IL1RAPL1: variants seen among roughly 807,000 people sequenced by gnomAD.
The protein encoded by IL1RAPL1 is interleukin 1 receptor accessory protein like 1.
In IL1RAPL1, 3 loss-of-function variants were observed where a neutral mutation model predicts 48.4. The observed-to-expected ratio is 0.06, with a 90% CI of 0.03 to 0.16. The LOEUF (loss-of-function observed/expected upper bound fraction) is 0.16. Among genes scored for constraint, IL1RAPL1 ranks in the 10% least tolerant of loss-of-function variants. The pLI, the probability that IL1RAPL1 is intolerant of heterozygous loss-of-function variation, is 1.00. For missense variants in IL1RAPL1, 349 were observed against 530.6 expected (o/e 0.66, Z 3.36); for synonymous variants, 185 against 187.7 (o/e 0.99, Z 0.12).
intron 1 of IL1RAPL1, among the ~76,000 whole-genome samples, chrX:28,642,537 A>G (rs988382174): frequency 1.8e-5 from 2 of 112,192 alleles, no homozygotes; most frequent in Non-Finnish European, 3.8e-5. Context: ...TGGAAGCAGA[A>G]CAATCCTCTC....
chrX:29,639,070 C>T (rs1925072496), intron 5 of IL1RAPL1, among the ~76,000 whole-genome samples: 1 of 108,879 alleles, frequency 9.2e-6, no homozygotes, highest in African/African-American at 3.4e-5. Context: ...CCTGTAGTCC[C>T]AGCTACTCGG....
intron 1 of IL1RAPL1, among the ~76,000 whole-genome samples, chrX:28,766,047 T>C (rs1019173820): frequency 8.9e-6 from 1 of 111,737 alleles, no homozygotes; most frequent in Non-Finnish European, 1.9e-5. Context: ...CTGATATTCA[T>C]TTTAATGAAA....
intron 2 of IL1RAPL1, among the ~76,000 whole-genome samples, chrX:29,005,105 G>C (rs1489081312): frequency 8.9e-6 from 1 of 112,033 alleles, no homozygotes; most frequent in African/African-American, 3.2e-5. Context: ...TTAATATAGA[G>C]AAAACCAACT....
In IL1RAPL1 at chrX:29,002,880, T is replaced by C. The variant is rs771923556; in HGVS notation, c.82+213455T>C. Among the ~76,000 whole-genome samples, 7 of 107,316 alleles carry C rather than the reference T, an allele frequency of 6.5e-5. No homozygotes were observed. The South Asian group carries it at 2.9e-3, about 45-fold the overall frequency. 93.2% of individuals were successfully genotyped at this position (107,316 alleles called of 115,157 possible). A position where few individuals can be genotyped will look rare whatever the true frequency, so the allele number is the denominator to read the frequency against. ...CTGCTTTTGTACATCACCAAATAAT[T>C]CATTGAAATTTAAGGAAATCAACCA... On this transcript the variant is annotated intron_variant, in intron 2 of 10. Coordinates refer to ENST00000378993, the MANE Select transcript of IL1RAPL1 (RefSeq NM_014271.4).
At chrX:29,602,796 A>G (rs375716332) in intron 5 of IL1RAPL1, among the ~76,000 whole-genome samples, 9 of 112,907 alleles carry the variant, frequency 8.0e-5, no homozygotes, top group African/African-American at 2.9e-4. Context: ...AAATATGTTC[A>G]TTTGTTATGT....
At chrX:28,961,339 C>A (rs1924771571) in intron 2 of IL1RAPL1, among the ~76,000 whole-genome samples, 1 of 110,948 alleles carries the variant, frequency 9.0e-6, no homozygotes, top group Non-Finnish European at 1.9e-5. Flanking sequence ...TATTTCATCT[C>A]ATTTTATTTT....
intron 6 of IL1RAPL1, among the ~76,000 whole-genome samples, chrX:29,706,275 C>T (rs1344242582): frequency 9.0e-6 from 1 of 111,420 alleles, no homozygotes; most frequent in Non-Finnish European, 1.9e-5. Flanking sequence ...GCCCCTGGCC[C>T]CTCCTAAATC....
At chrX:29,122,138 A>G (rs1395669011) in intron 2 of IL1RAPL1, among the ~76,000 whole-genome samples, 3 of 110,771 alleles carry the variant, frequency 2.7e-5, no homozygotes, top group Non-Finnish European at 5.7e-5. Context: ...TAGAACTATA[A>G]CGTTTTAGAA....
chrX:29,232,993 T>C, intron 2 of IL1RAPL1, among the ~76,000 whole-genome samples: 1 of 110,437 alleles, frequency 9.1e-6, no homozygotes, highest in Non-Finnish European at 1.9e-5. Context: ...GAGACAGGGT[T>C]TCACCATGTT....
intron 6 of IL1RAPL1, among the ~76,000 whole-genome samples, chrX:29,775,945 G>A (rs192417107): frequency 7.2e-5 from 8 of 110,840 alleles, no homozygotes; most frequent in East Asian, 2.8e-4. Context: ...TTGCACCCCC[G>A]TTACCTTTAC....
chrX:29,345,789 GATAT>G (rs991452101), intron 3 of IL1RAPL1, among the ~76,000 whole-genome samples: 1 of 109,886 alleles, frequency 9.1e-6, no homozygotes, highest in African/African-American at 3.3e-5. Flanking sequence ...GATAGAAATT[GATAT>G]ATATATATAT....
At chrX:29,032,096 G>C (rs902398453) in intron 2 of IL1RAPL1, among the ~76,000 whole-genome samples, 2 of 111,518 alleles carry the variant, frequency 1.8e-5, no homozygotes, top group East Asian at 5.6e-4. Context: ...AATGTTAGTT[G>C]TCTTCTCACT....
intron 6 of IL1RAPL1, among the ~76,000 whole-genome samples, chrX:29,817,180 T>C (rs1930516174): frequency 8.9e-6 from 1 of 111,853 alleles, no homozygotes; most frequent in Non-Finnish European, 1.9e-5. Context: ...CTTTCTACTT[T>C]TGTACAATAG....
At chrX:29,556,647 CA>C (rs11342018) in intron 5 of IL1RAPL1, among the ~76,000 whole-genome samples, 14,200 of 53,918 alleles carry the variant, frequency 0.26, 2,526 homozygotes, top group African/African-American at 0.59. Flanking sequence ...GACTCTGCCT[CA>C]AAAAAAAAAA....
rs147197917 is a variant in IL1RAPL1 at position 29,689,653 on chromosome X, G to C, written c.778+21149G>C. Among the ~76,000 whole-genome samples the C allele has an allele frequency of 9.3e-3, 1,038 of 112,095 alleles. 10 individuals carry two copies. The highest frequency in any genetic ancestry group is 0.056 in the South Asian group (151 of 2,688). ...GATGAAGTATTAATAGAAAGACATTGCTGAAAGACCAGCATTAGGAGAGGC... is the reference window on the plus strand; with the variant it reads ...GATGAAGTATTAATAGAAAGACATTCCTGAAAGACCAGCATTAGGAGAGGC... On this transcript the variant is annotated intron_variant, in intron 6 of 10. Transcript: ENST00000378993.
intron 5 of IL1RAPL1, among the ~76,000 whole-genome samples, chrX:29,490,481 C>T (rs1417451642): frequency 4.5e-5 from 5 of 110,936 alleles, no homozygotes; most frequent in South Asian, 3.8e-4. Flanking sequence ...TACAGTGAGC[C>T]GAGATTGTGC....
intron 5 of IL1RAPL1, among the ~76,000 whole-genome samples, chrX:29,487,408 C>T (rs960054013): frequency 1.8e-5 from 2 of 111,478 alleles, no homozygotes; most frequent in Non-Finnish European, 3.8e-5. Context: ...GCTGTTCTTG[C>T]CAGATTAAAT....
chrX:28,909,769 C>A (rs867702203), intron 2 of IL1RAPL1, among the ~76,000 whole-genome samples: 1 of 111,436 alleles, frequency 9.0e-6, no homozygotes, highest in South Asian at 3.7e-4. Flanking sequence ...TTGAGCAAAA[C>A]TTTTCTCTGG....
At chrX:28,696,709 A>G (rs763976818) in intron 1 of IL1RAPL1, among the ~76,000 whole-genome samples, 30 of 111,251 alleles carry the variant, frequency 2.7e-4, no homozygotes, top group Non-Finnish European at 5.7e-4. Flanking sequence ...TTTGTATTAA[A>G]TAAGTATAAT....
Sources: allele counts gnomAD v4.1 joint callset (sites outside exome capture counted in the v4.1 genomes callset), GRCh38; gene constraint gnomAD v4.1.1; transcripts MANE v1.5; gene names NCBI Gene and HGNC (gene_info 2026-07-23, HGNC 2026-07-21).